TANC1: variants seen among roughly 807,000 people sequenced by gnomAD.
The protein encoded by TANC1 is tetratricopeptide repeat, ankyrin repeat and coiled-coil containing 1, also known as protein TANC1.
In TANC1, 77 loss-of-function variants were observed where a neutral mutation model predicts 149.7. That is an observed-to-expected ratio of 0.51 (90% CI 0.43 to 0.62). TANC1 has a LOEUF of 0.62. Among genes scored for constraint, TANC1 ranks in the 20% least tolerant of loss-of-function variants. The pLI is 0.00. For synonymous variants in TANC1, 854 were observed against 925.0 expected, an observed-to-expected ratio of 0.92 and a Z score of 1.39; for missense variants, 1,985 against 2,321.8, an observed-to-expected ratio of 0.85 and a Z score of 2.98.
At position 159,108,293 on chromosome 2, in the gene TANC1, T is replaced by C. The variant is rs140809306; in HGVS notation, c.259+10459T>C. 1.8e-3 allele frequency among the ~76,000 whole-genome samples: 270 copies of C among 152,268 alleles called. 2 individuals are homozygous for C. The highest frequency in any genetic ancestry group is 6.0e-3 in the African/African-American group (248 of 41,562). Reference sequence around the variant, plus strand: ...TTGTCAGTAGCCACTCAGCCTTGCTTTCCTCCACTCCTGTCTCTCTCCCAT... The same window carrying C: ...TTGTCAGTAGCCACTCAGCCTTGCTCTCCTCCACTCCTGTCTCTCTCCCAT... On this transcript the variant is annotated intron_variant, in intron 4 of 26. Transcript: ENST00000263635.
intron 2 of TANC1, chr2:159,004,341 C>T: frequency 6.2e-7 from 1 of 1,606,400 alleles, no homozygotes; most frequent in Non-Finnish European, 8.5e-7. Flanking sequence ...TTTTTGGAAG[C>T]TGGCATGGAC....
chr2:159,214,571 TTG>T (rs2059228831), intron 19 of TANC1, among the ~76,000 whole-genome samples: 6 of 152,186 alleles, frequency 3.9e-5, no homozygotes, highest in Non-Finnish European at 7.3e-5. Context: ...AGCTACCTCC[TTG>T]GAGAGCTGCA....
In TANC1 at chr2:159,045,841, C is replaced by T. The variant is rs931127453; in HGVS notation, c.-15-20055C>T. ...TATAATTTTCACTTAAAATTGCATG[C>T]GATAGCATTTTCTATGATGCTAACA... On this transcript the variant is annotated intron_variant, in intron 2 of 26. Transcript: ENST00000263635. Among the ~76,000 whole-genome samples, 8 of 152,130 alleles carry T rather than the reference C, an allele frequency of 5.3e-5. No individual in the cohort carries two copies. The South Asian group carries it at 8.3e-4, about 16-fold the overall frequency.
chr2:159,102,547 G>T (rs1270689217), intron 4 of TANC1, among the ~76,000 whole-genome samples: 1 of 134,604 alleles, frequency 7.4e-6, no homozygotes, highest in South Asian at 2.6e-4. Flanking sequence ...TCCCAACTTG[G>T]CCTCCCAAAG....
intron 8 of TANC1, among the ~76,000 whole-genome samples, chr2:159,168,455 A>G (rs1422452478): frequency 6.6e-6 from 1 of 151,886 alleles, no homozygotes; most frequent in Non-Finnish European, 1.5e-5. Flanking sequence ...ACCCGCCTCC[A>G]TGCCCAGCTA....
chr2:159,014,764 C>T (rs534200816), intron 2 of TANC1, among the ~76,000 whole-genome samples: 1 of 152,324 alleles, frequency 6.6e-6, no homozygotes, highest in Non-Finnish European at 1.5e-5. Context: ...GGCTACAGGG[C>T]CCATGCAAGA....
At chr2:159,044,906 A>G (rs2040924633) in intron 2 of TANC1, among the ~76,000 whole-genome samples, 3 of 152,232 alleles carry the variant, frequency 2.0e-5, no homozygotes, top group Non-Finnish European at 2.9e-5. Flanking sequence ...TTCTCCTGCC[A>G]CACCCTGCTA....
At chr2:159,194,132 G>T in intron 16 of TANC1, 125 bp from the exon 17 acceptor site, 2 of 736,800 alleles carry the variant, frequency 2.7e-6, no homozygotes, top group Non-Finnish European at 2.4e-6. Flanking sequence ...AGGTGATACT[G>T]GTGCACATTC....
chr2:159,054,487 A>C (rs527930337), intron 2 of TANC1, among the ~76,000 whole-genome samples: 1 of 152,322 alleles, frequency 6.6e-6, no homozygotes, highest in South Asian at 2.1e-4. Context: ...AACCTTGTTC[A>C]GCAAGTGGAG....
At chr2:158,977,586 C>T (rs1292374675) in intron 1 of TANC1, among the ~76,000 whole-genome samples, 1 of 151,706 alleles carries the variant, frequency 6.6e-6, no homozygotes, top group Non-Finnish European at 1.5e-5. Context: ...GCTGGGATTA[C>T]AGGCATGAGC....
intron 1 of TANC1, among the ~76,000 whole-genome samples, chr2:159,000,604 G>C (rs2036538308): frequency 6.6e-6 from 1 of 152,002 alleles, no homozygotes; most frequent in East Asian, 1.9e-4. Context: ...TAAAGAGGAG[G>C]GTTGCAGAAA....
chr2:158,985,007 ATC>A (rs544888370), intron 1 of TANC1, among the ~76,000 whole-genome samples: 47 of 152,256 alleles, frequency 3.1e-4, no homozygotes, highest in Non-Finnish European at 4.9e-4. Flanking sequence ...ATGTAATCAG[ATC>A]TGTGTGTTGG....
Position 159,176,477 on chromosome 2 carries a change from G to T in TANC1, c.1861G>T (p.Ala621Ser), listed in dbSNP as rs1228384151. The T allele has an allele frequency of 1.2e-6, 2 of 1,602,896 alleles. No homozygotes were observed. The highest frequency in any genetic ancestry group is 1.7e-6 in the Non-Finnish European group (2 of 1,177,224). ...TACCAAAATTATTTCTAAATTTCCT[G>T]CCTGGTTGAAGTTGATTGTGACTGT... ...FITKIISKFP[A>S]WLKLIVTVRA... The change falls in exon 13 of 27, where the codon GCC (alanine) becomes TCC (serine). Residue 621 changes from alanine to serine, a missense_variant. Transcript: ENST00000263635.
Position 159,194,368 on chromosome 2 carries a change from ACT to A in TANC1, c.2857_2858del (p.Leu953AlafsTer46). 1 of 1,614,168 alleles carries A rather than the reference ACT, an allele frequency of 6.2e-7. No individual in the cohort carries two copies. Among genetic ancestry groups the A allele is most frequent in the Non-Finnish European group, 8.5e-7 (1 of 1,180,036 alleles). On this transcript the variant is annotated frameshift_variant, in exon 17 of 27. Transcript: ENST00000263635. LOFTEE classifies it high-confidence loss of function. ...QSHLGHEEVV[T>X]LLLEFGACLD... ...TCACCTTGGCCACGAGGAAGTTGTC[ACT>A]CTGCTCCTGGAATTTGGTGCCTGCC...
intron 16 of TANC1, among the ~76,000 whole-genome samples, chr2:159,191,465 T>C (rs537033517): frequency 6.6e-6 from 1 of 152,200 alleles, no homozygotes; most frequent in Non-Finnish European, 1.5e-5. Flanking sequence ...AGCATTCCAG[T>C]CAGGGAACTA....
At chr2:159,201,178 A>G (rs902105094) in intron 19 of TANC1, among the ~76,000 whole-genome samples, 2 of 152,200 alleles carry the variant, frequency 1.3e-5, no homozygotes, top group Non-Finnish European at 2.9e-5. Context: ...ACTATCGTCT[A>G]CTGCCCCAAG....
Position 159,170,811 on chromosome 2 carries a change from T to G in TANC1, c.1351+6T>G, listed in dbSNP as rs753074463. ...CCCGGGTTCATCACCTAAAAGTACGTGCATGTTTAATTACTTGTCTAGTTT... is the reference window on the plus strand; with the variant it reads ...CCCGGGTTCATCACCTAAAAGTACGGGCATGTTTAATTACTTGTCTAGTTT... On this transcript the variant is annotated splice_donor_region_variant and intron_variant, in intron 10 of 26. Transcript: ENST00000263635. 1.2e-6 allele frequency: 2 copies of G among 1,610,864 alleles called. No homozygotes were observed. The highest frequency in any genetic ancestry group is 4.5e-5 in the East Asian group (2 of 44,792).
At chr2:159,160,335 G>T (rs1346354401) in intron 7 of TANC1, among the ~76,000 whole-genome samples, 1 of 151,756 alleles carries the variant, frequency 6.6e-6, no homozygotes, top group African/African-American at 2.4e-5. Flanking sequence ...ACTTTTTAGA[G>T]ATTTTTTTTT....
intron 4 of TANC1, among the ~76,000 whole-genome samples, chr2:159,117,096 C>CT (rs1340068767): frequency 6.6e-6 from 1 of 152,196 alleles, no homozygotes; most frequent in Non-Finnish European, 1.5e-5. Context: ...GTGTTTGCTG[C>CT]TTTACCCTCC....
Sources: allele counts gnomAD v4.1 joint callset (sites outside exome capture counted in the v4.1 genomes callset), GRCh38; gene constraint gnomAD v4.1.1; transcripts MANE v1.5; gene names NCBI Gene and HGNC (gene_info 2026-07-23, HGNC 2026-07-21).